Variants in KHDRBS2 observed in about 807,000 individuals in gnomAD.
KHDRBS2 encodes KH domain-containing, RNA-binding, signal transduction-associated protein 2.
In KHDRBS2, 26 loss-of-function variants were observed where a neutral mutation model predicts 44.3. The observed-to-expected ratio is 0.59, with a 90% CI of 0.43 to 0.81. The LOEUF (loss-of-function observed/expected upper bound fraction) is 0.81, where lower values mean the gene tolerates loss of function less well. Among genes scored for constraint, KHDRBS2 ranks in the 40% least tolerant of loss-of-function variants. The pLI, the probability that KHDRBS2 is intolerant of heterozygous loss-of-function variation, is 0.00. For missense variants in KHDRBS2, 476 were observed against 433.1 expected (o/e 1.10, Z -0.88); for synonymous variants, 194 against 151.1 (o/e 1.28, Z -2.08).
intron 3 of KHDRBS2, among the ~76,000 whole-genome samples, chr6:61,996,481 T>C (rs530105315): frequency 4.9e-4 from 75 of 152,312 alleles, no homozygotes; most frequent in African/African-American, 1.7e-3. Flanking sequence ...TAATCAAGTT[T>C]GCTAAATGTT....
At chr6:62,204,860 A>C (rs1827674237) in intron 1 of KHDRBS2, among the ~76,000 whole-genome samples, 1 of 151,660 alleles carries the variant, frequency 6.6e-6, no homozygotes, top group Non-Finnish European at 1.5e-5. Context: ...TGTATTTTCC[A>C]TGTGTATTTT....
intron 1 of KHDRBS2, among the ~76,000 whole-genome samples, chr6:62,247,261 C>T (rs1251474864): frequency 1.3e-5 from 2 of 151,710 alleles, no homozygotes; most frequent in Non-Finnish European, 2.9e-5. Flanking sequence ...TGTTTTTTGC[C>T]ATTAAAAGTA....
chr6:61,911,145 C>T (rs950325036), intron 4 of KHDRBS2, among the ~76,000 whole-genome samples: 6 of 151,974 alleles, frequency 3.9e-5, no homozygotes, highest in African/African-American at 1.4e-4. Context: ...GATATAGGTC[C>T]CGTGGGTGAT....
chr6:61,765,331 T>C (rs1392358626), intron 6 of KHDRBS2, among the ~76,000 whole-genome samples: 1 of 152,088 alleles, frequency 6.6e-6, no homozygotes, highest in Non-Finnish European at 1.5e-5. Flanking sequence ...CGTATACCTC[T>C]AGTACTAGCT....
chr6:61,619,453 GTTTGT>G, the KHDRBS2 span, among the ~76,000 whole-genome samples: 1 of 151,834 alleles, frequency 6.6e-6, no homozygotes, highest in Admixed American at 6.6e-5. Flanking sequence ...TTGTTTGTTT[GTTTGT>G]TTGTTTGTTT....
At chr6:61,838,709 C>T (rs542355697) in intron 6 of KHDRBS2, among the ~76,000 whole-genome samples, 2 of 151,900 alleles carry the variant, frequency 1.3e-5, no homozygotes. Context: ...AGCCCCAATA[C>T]CACCACAGCA....
At chr6:62,035,136 TG>T (rs1270439981) in intron 3 of KHDRBS2, among the ~76,000 whole-genome samples, 1 of 152,014 alleles carries the variant, frequency 6.6e-6, no homozygotes, top group Non-Finnish European at 1.5e-5. Context: ...ATCCCACTGC[TG>T]GGTACATACC....
At chr6:61,734,001 A>G (rs1774920321) in intron 6 of KHDRBS2, among the ~76,000 whole-genome samples, 1 of 152,210 alleles carries the variant, frequency 6.6e-6, no homozygotes, top group South Asian at 2.1e-4. Flanking sequence ...GTTTCAGCAG[A>G]AAATACCTAC....
At chr6:62,242,111 T>C (rs917643536) in intron 1 of KHDRBS2, among the ~76,000 whole-genome samples, 1 of 152,166 alleles carries the variant, frequency 6.6e-6, no homozygotes, top group African/African-American at 2.4e-5. Flanking sequence ...ATCATATTAT[T>C]AAAATTTACA....
intron 6 of KHDRBS2, among the ~76,000 whole-genome samples, chr6:61,824,892 G>A (rs961081620): frequency 6.6e-6 from 1 of 152,030 alleles, no homozygotes; most frequent in Non-Finnish European, 1.5e-5. Flanking sequence ...TTAAAAACAA[G>A]AGTAGTACAT....
At chr6:61,982,962 GAAATA>G (rs1476877890) in intron 3 of KHDRBS2, among the ~76,000 whole-genome samples, 2 of 151,940 alleles carry the variant, frequency 1.3e-5, no homozygotes, top group African/African-American at 4.8e-5. Context: ...AAACAGAAAT[GAAATA>G]TTTATCTTTT....
the KHDRBS2 span, among the ~76,000 whole-genome samples, chr6:61,672,066 A>G: frequency 9.7e-5 from 14 of 144,926 alleles, no homozygotes; most frequent in African/African-American, 3.1e-4. Context: ...CTCTTGTTCA[A>G]TTCCCACCTA....
chr6:61,855,323 T>C (rs1275836894), intron 6 of KHDRBS2, among the ~76,000 whole-genome samples: 3 of 152,070 alleles, frequency 2.0e-5, no homozygotes, highest in Non-Finnish European at 2.9e-5. Context: ...CATAGTCTTT[T>C]GAAACTGTAT....
At chr6:62,178,111 T>A (rs1401023863) in intron 1 of KHDRBS2, among the ~76,000 whole-genome samples, 2 of 151,412 alleles carry the variant, frequency 1.3e-5, no homozygotes, top group Non-Finnish European at 3.0e-5. Context: ...ACACATACAG[T>A]TATGGCTGGG....
rs183690965 is a variant in KHDRBS2 at position 62,190,670 on chromosome 6, A to G, written c.92-13358T>C. Among the ~76,000 whole-genome samples the G allele has an allele frequency of 1.7e-4, 26 of 152,200 alleles. No homozygotes were observed. In the East Asian group the frequency reaches 5.0e-3, roughly 29 times the overall value. On this transcript the variant is annotated intron_variant, in intron 1 of 8. Coordinates refer to ENST00000281156, the MANE Select transcript of KHDRBS2 (RefSeq NM_152688.4). ...ATATTTACATTCTAAAATTTTTAATACAAATAAAACTCAGCGCATCTCAAA... is the reference window on the plus strand; with the variant it reads ...ATATTTACATTCTAAAATTTTTAATGCAAATAAAACTCAGCGCATCTCAAA...
At chr6:61,661,795 T>C in the KHDRBS2 span, among the ~76,000 whole-genome samples, 2 of 151,946 alleles carry the variant, frequency 1.3e-5, no homozygotes, top group African/African-American at 4.8e-5. Context: ...GTAGGAAGAA[T>C]CAATATCGTG....
intron 6 of KHDRBS2, among the ~76,000 whole-genome samples, chr6:61,891,628 A>G (rs1335255128): frequency 2.0e-5 from 3 of 152,214 alleles, no homozygotes; most frequent in Non-Finnish European, 4.4e-5. Context: ...CCCAGCATAT[A>G]AACAGAACCA....
At chr6:62,020,122 AT>A (rs1781980996) in intron 3 of KHDRBS2, among the ~76,000 whole-genome samples, 1 of 152,106 alleles carries the variant, frequency 6.6e-6, no homozygotes, top group East Asian at 1.9e-4. Flanking sequence ...ATATGTTCAT[AT>A]TCATTCAGTT....
chr6:61,634,545 G>A, the KHDRBS2 span, among the ~76,000 whole-genome samples: 7 of 151,878 alleles, frequency 4.6e-5, no homozygotes, highest in African/African-American at 7.2e-5. Flanking sequence ...GTTTAACTCC[G>A]AAAATTGCCA....
Sources: gnomAD v4.1 joint callset for allele counts (sites outside exome capture counted in the v4.1 genomes callset) on GRCh38, gnomAD v4.1.1 for gene constraint, MANE v1.5 for transcripts, NCBI Gene and HGNC (gene_info 2026-07-23, HGNC 2026-07-21) for gene names.